CD274: variants seen among roughly 807,000 people sequenced by gnomAD.
CD274 encodes the protein programmed cell death 1 ligand 1.
CD274 carries 8 observed loss-of-function variants against 30.1 expected under a neutral mutation model. The observed-to-expected ratio is 0.27, with a 90% CI of 0.16 to 0.48. The LOEUF is 0.48. CD274 is among the 20% of genes least tolerant of loss of function. The pLI, the probability that CD274 is intolerant of heterozygous loss-of-function variation, is 0.99. For synonymous variants in CD274, 152 were observed against 124.6 expected (o/e 1.22, Z -1.46); for missense variants, 353 against 346.6 (o/e 1.02, Z -0.15).
chr9:5,467,466 G>T (rs888661495), intron 6 of CD274, among the ~76,000 whole-genome samples: 9 of 152,092 alleles, frequency 5.9e-5, no homozygotes, highest in African/African-American at 9.7e-5. Flanking sequence ...TTATATTAAG[G>T]TTTCTAATTT....
chr9:5,460,676 A>G (rs1044843420), intron 3 of CD274, among the ~76,000 whole-genome samples: 2 of 152,152 alleles, frequency 1.3e-5, no homozygotes, highest in Non-Finnish European at 2.9e-5. Flanking sequence ...TTTATTGCCT[A>G]TATTTGTACC....
chr9:5,469,829 C>T lies in CD274; in HGVS notation c.*1967C>T, dbSNP rs892796654. 1 of 232,936 alleles carries T rather than the reference C, an allele frequency of 4.3e-6. No individual in the cohort carries two copies. Among genetic ancestry groups the T allele is most frequent in the African/African-American group, 2.2e-5 (1 of 45,320 alleles). The allele number at this position is 232,936 out of a possible 1,614,324, so 14.4% of individuals were successfully genotyped here. A position where few individuals can be genotyped will look rare whatever the true frequency, so the allele number is the denominator to read the frequency against. On this transcript the variant is annotated 3_prime_UTR_variant, in exon 7 of 7. Transcript: ENST00000381577. ...AGTCAATCTAGTCCTAAAAAGCAAT[C>T]TTATTATTAACTCTGTATGACAGAA...
chr9:5,463,345 G>C (rs146823186), intron 4 of CD274: 107 of 546,104 alleles, frequency 2.0e-4, no homozygotes, highest in African/African-American at 1.8e-3. Context: ...TTTGTTCCAT[G>C]CATTGTAGTA....
intron 3 of CD274, 75 bp downstream of exon 3, chr9:5,457,495 G>A (rs1819327870): frequency 1.7e-6 from 2 of 1,167,732 alleles, no homozygotes; most frequent in South Asian, 2.8e-5. Context: ...TTTCATTCTT[G>A]TAAGTCCATA....
At chr9:5,451,251 A>G (rs1163090227) in intron 1 of CD274, among the ~76,000 whole-genome samples, 1 of 152,184 alleles carries the variant, frequency 6.6e-6, no homozygotes, top group Non-Finnish European at 1.5e-5. Context: ...ACTTGAAAAA[A>G]ATTTACTGTG....
chr9:5,463,436 A>G (rs1234923346), intron 4 of CD274, among the ~76,000 whole-genome samples: 2 of 152,190 alleles, frequency 1.3e-5, no homozygotes, highest in East Asian at 1.9e-4. Context: ...CAAACAAAAA[A>G]CAGGCAATCC....
chr9:5,455,641 G>A (rs1819287705), intron 1 of CD274, among the ~76,000 whole-genome samples: 1 of 152,210 alleles, frequency 6.6e-6, no homozygotes, highest in Admixed American at 6.5e-5. Context: ...GCCTTGAATA[G>A]CTAAAGGGTA....
At chr9:5,454,085 G>T (rs1234338404) in intron 1 of CD274, among the ~76,000 whole-genome samples, 1 of 152,134 alleles carries the variant, frequency 6.6e-6, no homozygotes, top group Admixed American at 6.5e-5. Flanking sequence ...ACGTCAGTTT[G>T]GATGTTTGGA....
intron 4 of CD274, among the ~76,000 whole-genome samples, chr9:5,464,299 C>T (rs893358552): frequency 2.0e-5 from 3 of 152,072 alleles, no homozygotes; most frequent in African/African-American, 7.2e-5. Context: ...AGTCTGTTTC[C>T]TCATCTGTAA....
intron 1 of CD274, among the ~76,000 whole-genome samples, chr9:5,452,792 T>G (rs1819230582): frequency 6.6e-6 from 1 of 152,142 alleles, no homozygotes; most frequent in African/African-American, 2.4e-5. Flanking sequence ...GGACAAGAAC[T>G]CCACCAGAGT....
rs554873653 is a variant in CD274, at chr9:5,451,274, T to A, written c.-15+678T>A. 7.2e-4 allele frequency among the ~76,000 whole-genome samples: 110 copies of A among 152,364 alleles called. 1 individual carries two copies. The highest frequency in any genetic ancestry group is 2.6e-3 in the African/African-American group (108 of 41,584). Reference sequence around the variant, plus strand: ...AAAATTTACTGTGGATGCTTTTCTATGAATTAAATAACCTTCTAAAAAATG... The same window carrying A: ...AAAATTTACTGTGGATGCTTTTCTAAGAATTAAATAACCTTCTAAAAAATG... On this transcript the variant is annotated intron_variant, in intron 1 of 6. Transcript: ENST00000381577.
rs1819269320 is a variant in CD274, at chr9:5,454,696, G to A, written c.-14-1404G>A. On this transcript the variant is annotated intron_variant, in intron 1 of 6. Coordinates refer to ENST00000381577, the MANE Select transcript of CD274 (RefSeq NM_014143.4). Reference sequence around the variant, plus strand: ...GATAGATTTCTAGGAGAGGGTGAAAGGTCTTATGACATCCGCATTTACGAT... The same window carrying A: ...GATAGATTTCTAGGAGAGGGTGAAAAGTCTTATGACATCCGCATTTACGAT... Among the ~76,000 whole-genome samples, 3 of 151,816 alleles carry A rather than the reference G, an allele frequency of 2.0e-5. 1 individual carries two copies. In the South Asian group the frequency reaches 6.2e-4, roughly 31 times the overall value.
chr9:5,459,107 G>A (rs979993000), intron 3 of CD274, among the ~76,000 whole-genome samples: 1 of 152,162 alleles, frequency 6.6e-6, no homozygotes, highest in Admixed American at 6.5e-5. Context: ...TATCCCTTGT[G>A]TATCTGCAGT....
At chr9:5,454,718 C>T (rs751687290) in intron 1 of CD274, among the ~76,000 whole-genome samples, 81 of 151,842 alleles carry the variant, frequency 5.3e-4, no homozygotes, top group Admixed American at 1.1e-3. Context: ...TCCGCATTTA[C>T]GATTGTAATA....
At chr9:5,457,035 G>T (rs746669461) in intron 2 of CD274, 44 bp from the exon 3 acceptor site, 1 of 1,386,672 alleles carries the variant, frequency 7.2e-7, no homozygotes, top group Non-Finnish European at 1.0e-6. Context: ...TAAATGTTTC[G>T]AGGAATTTTC....
At chr9:5,458,175 T>G (rs973670654) in intron 3 of CD274, among the ~76,000 whole-genome samples, 7 of 152,228 alleles carry the variant, frequency 4.6e-5, no homozygotes, top group African/African-American at 1.7e-4. Context: ...GTTCAAAGTT[T>G]TGTGTTGGCA....
At chr9:5,463,401 A>C (rs1017952283) in intron 4 of CD274, among the ~76,000 whole-genome samples, 8 of 152,196 alleles carry the variant, frequency 5.3e-5, no homozygotes, top group Admixed American at 3.3e-4. Context: ...CACACTCTTC[A>C]GGAAACAGAT....
intron 6 of CD274, among the ~76,000 whole-genome samples, chr9:5,467,442 A>G (rs1741629398): frequency 6.6e-6 from 1 of 152,226 alleles, no homozygotes; most frequent in Non-Finnish European, 1.5e-5. Flanking sequence ...CAGGTTATTG[A>G]ACTAAGAAGA....
In CD274 at chr9:5,469,507, A is replaced by C. The variant is rs899187950; in HGVS notation, c.*1645A>C. ...ACGTATTTTTAAAATTTTTTTCCTAAATAGTAACACATTGTATGTCTGCTG... is the reference window on the plus strand; with the variant it reads ...ACGTATTTTTAAAATTTTTTTCCTACATAGTAACACATTGTATGTCTGCTG... On this transcript the variant is annotated 3_prime_UTR_variant, in exon 7 of 7. Coordinates refer to ENST00000381577, the MANE Select transcript of CD274 (RefSeq NM_014143.4). 4 of 231,048 alleles carry C rather than the reference A, an allele frequency of 1.7e-5. No individual in the cohort carries two copies. Among genetic ancestry groups the C allele is most frequent in the Admixed American group, 1.1e-4 (2 of 17,712 alleles). 14.3% of individuals were successfully genotyped at this position (231,048 alleles called of 1,614,324 possible).
Sources: gnomAD v4.1 joint callset for allele counts (sites outside exome capture counted in the v4.1 genomes callset) on GRCh38, gnomAD v4.1.1 for gene constraint, MANE v1.5 for transcripts, NCBI Gene and HGNC (gene_info 2026-07-23, HGNC 2026-07-21) for gene names.